CFAP44: variants seen among roughly 807,000 people sequenced by gnomAD.
The protein encoded by CFAP44 is cilia- and flagella-associated protein 44.
A neutral mutation model predicts 216.2 loss-of-function variants in CFAP44; 134 were observed. The ratio of observed to expected loss-of-function variants is 0.62; its 90% CI spans 0.54 to 0.72. The LOEUF (loss-of-function observed/expected upper bound fraction) is 0.72, where lower values mean the gene tolerates loss of function less well. Among genes scored for constraint, CFAP44 ranks in the 30% least tolerant of loss-of-function variants. The probability of loss-of-function intolerance (pLI) is 0.00; values close to 1 mark genes in which losing one functional copy is unlikely to be tolerated. For missense variants in CFAP44, 2,035 were observed against 2,182.1 expected, an observed-to-expected ratio of 0.93 and a Z score of 1.34; for synonymous variants, 700 against 727.6, an observed-to-expected ratio of 0.96 and a Z score of 0.61.
chr3:113,413,913 T>C (rs2107381697), intron 6 of CFAP44, among the ~76,000 whole-genome samples: 1 of 152,360 alleles, frequency 6.6e-6, no homozygotes. Flanking sequence ...AATGGTAGTT[T>C]GATGGGAATA....
At chr3:113,410,392 T>C (rs891554594) in intron 6 of CFAP44, among the ~76,000 whole-genome samples, 4 of 152,156 alleles carry the variant, frequency 2.6e-5, no homozygotes, top group Non-Finnish European at 5.9e-5. Context: ...AGTGAGAACA[T>C]GCAGTGTTTG....
chr3:113,436,019 G>A (rs2107420564), intron 1 of CFAP44, among the ~76,000 whole-genome samples: 1 of 151,948 alleles, frequency 6.6e-6, no homozygotes, highest in Non-Finnish European at 1.5e-5. Flanking sequence ...GGTTTATGGA[G>A]GGGGTGGGGT....
chr3:113,406,963 A>G lies in CFAP44; in HGVS notation c.969T>C (p.Thr323=), dbSNP rs766076849. The G allele has an allele frequency of 1.2e-6, 2 of 1,614,146 alleles. No homozygotes were observed. Among genetic ancestry groups the G allele is most frequent in the Non-Finnish European group, 8.5e-7 (1 of 1,180,002 alleles). ...GGAGCTCCATGTAGCCTTCTATATC[A>G]GTAGTGATTGTTTTGCCAAATCGAC... is the stretch of plus-strand genomic sequence containing the variant. ...SLGRFGKTIT[T]DIEGYMELPD... Residue 323 remains threonine (T), a synonymous_variant, in exon 8 of 35, where the codon ACT becomes ACC. Coordinates refer to ENST00000393845, the MANE Select transcript of CFAP44 (RefSeq NM_001164496.2).
At chr3:113,425,511 G>T (rs77445973) in intron 4 of CFAP44, among the ~76,000 whole-genome samples, 4,650 of 152,226 alleles carry the variant, frequency 0.031, 117 homozygotes, top group East Asian at 0.1. Flanking sequence ...TATATTTTGT[G>T]CCCTGTTTCC....
At chr3:113,308,062 G>T in intron 29 of CFAP44, 96 bp downstream of exon 29, 3 of 840,958 alleles carry the variant, frequency 3.6e-6, no homozygotes, top group South Asian at 1.9e-5. Flanking sequence ...TCCTTTTTTT[G>T]AATTATCAGA....
At chr3:113,421,740 A>C (rs1458860697) in intron 4 of CFAP44, among the ~76,000 whole-genome samples, 1 of 152,148 alleles carries the variant, frequency 6.6e-6, no homozygotes, top group Non-Finnish European at 1.5e-5. Context: ...CAGAAACAGA[A>C]AACCAAATAT....
chr3:113,434,815 A>G (rs1935196366), intron 1 of CFAP44: 1 of 152,208 alleles, frequency 6.6e-6, no homozygotes, highest in Non-Finnish European at 1.5e-5. Flanking sequence ...CAAGCCTGCT[A>G]TGAGGGTTAC....
chr3:113,366,867 G>A (rs1259960167), intron 18 of CFAP44, among the ~76,000 whole-genome samples: 3 of 152,196 alleles, frequency 2.0e-5, no homozygotes, highest in South Asian at 2.1e-4. Flanking sequence ...CAAATACTGC[G>A]CTTTTCAAAA....
intron 6 of CFAP44, among the ~76,000 whole-genome samples, chr3:113,412,231 T>C (rs1934501059): frequency 1.3e-5 from 2 of 152,156 alleles, no homozygotes; most frequent in Non-Finnish European, 2.9e-5. Context: ...TTGTCCCTGT[T>C]TGCAGATGAC....
intron 29 of CFAP44, among the ~76,000 whole-genome samples, chr3:113,307,646 T>C (rs903228076): frequency 6.6e-6 from 1 of 152,212 alleles, no homozygotes; most frequent in Admixed American, 6.5e-5. Flanking sequence ...GCCTGGCACA[T>C]AGTAGAAGTT....
intron 22 of CFAP44, among the ~76,000 whole-genome samples, chr3:113,352,501 T>A (rs934498377): frequency 2.6e-5 from 4 of 152,014 alleles, no homozygotes; most frequent in African/African-American, 9.7e-5. Flanking sequence ...AAACACAACA[T>A]GAAGGAAAAT....
At chr3:113,319,944 T>C (rs1462300268) in intron 28 of CFAP44, among the ~76,000 whole-genome samples, 1 of 152,122 alleles carries the variant, frequency 6.6e-6, no homozygotes, top group African/African-American at 2.4e-5. Context: ...TGAACACTTC[T>C]GAGACTATTA....
chr3:113,315,761 G>A (rs1225677019), intron 28 of CFAP44, among the ~76,000 whole-genome samples: 2 of 152,184 alleles, frequency 1.3e-5, no homozygotes, highest in African/African-American at 4.8e-5. Context: ...TCAGTACTAT[G>A]TTCAATAAAT....
chr3:113,328,920 A>AAGAT (rs1478934759), intron 26 of CFAP44, among the ~76,000 whole-genome samples: 7 of 152,268 alleles, frequency 4.6e-5, no homozygotes, highest in African/African-American at 1.7e-4. Flanking sequence ...AAGCTTTGTG[A>AAGAT]AGATAGAGAA....
intron 8 of CFAP44, among the ~76,000 whole-genome samples, chr3:113,405,531 T>C (rs1188095942): frequency 6.6e-6 from 1 of 152,214 alleles, no homozygotes; most frequent in Middle Eastern, 3.2e-3. Context: ...AAGTCTACTC[T>C]TCCCATGTAG....
chr3:113,310,963 T>C (rs929298256), intron 28 of CFAP44, among the ~76,000 whole-genome samples: 1 of 152,204 alleles, frequency 6.6e-6, no homozygotes, highest in Admixed American at 6.5e-5. Flanking sequence ...TGTGGAACCA[T>C]GAGCCAATTA....
chr3:113,329,012 AAATT>A (rs1427079809), intron 26 of CFAP44, among the ~76,000 whole-genome samples: 1 of 152,206 alleles, frequency 6.6e-6, no homozygotes, highest in East Asian at 1.9e-4. Flanking sequence ...AATATTTGCT[AAATT>A]AATAAATTAG....
At chr3:113,379,646 C>T (rs1933451903) in intron 16 of CFAP44, 95 bp from the exon 17 acceptor site, 1 of 946,274 alleles carries the variant, frequency 1.1e-6, no homozygotes, top group African/African-American at 1.7e-5. Context: ...AAAGAAGATA[C>T]ACAGCTCTGT....
At chr3:113,417,609 C>T (rs971384626) in intron 5 of CFAP44, among the ~76,000 whole-genome samples, 4 of 152,210 alleles carry the variant, frequency 2.6e-5, no homozygotes, top group African/African-American at 4.8e-5. Flanking sequence ...ATATAGATTG[C>T]TAATCCTGGT....
Sources: gnomAD v4.1 joint callset for allele counts (sites outside exome capture counted in the v4.1 genomes callset) on GRCh38, gnomAD v4.1.1 for gene constraint, MANE v1.5 for transcripts, NCBI Gene and HGNC (gene_info 2026-07-23, HGNC 2026-07-21) for gene names.